Variants in CDC40 observed in about 807,000 individuals in gnomAD.
CDC40 encodes cell division cycle 40.
In CDC40, 27 loss-of-function variants were observed where a neutral mutation model predicts 80.6. The ratio of observed to expected loss-of-function variants is 0.33; its 90% confidence interval spans 0.25 to 0.46. The LOEUF (loss-of-function observed/expected upper bound fraction) is 0.46. Ranked by LOEUF, CDC40 falls within the 20% of genes least tolerant of loss-of-function variation. The pLI, the probability that CDC40 is intolerant of heterozygous loss-of-function variation, is 1.00. For synonymous variants in CDC40, 221 were observed against 232.6 expected (o/e 0.95, Z 0.45); for missense variants, 486 against 694.1 (o/e 0.70, Z 3.37).
intron 2 of CDC40, among the ~76,000 whole-genome samples, chr6:110,198,617 G>A (rs889535961): frequency 7.9e-5 from 12 of 152,110 alleles, no homozygotes. Flanking sequence ...CAGATGTATG[G>A]TTTGCAAACA....
At chr6:110,227,522 G>A (rs1777881381) in intron 13 of CDC40, among the ~76,000 whole-genome samples, 1 of 152,114 alleles carries the variant, frequency 6.6e-6, no homozygotes, top group Admixed American at 6.5e-5. Context: ...CAGATTTTGT[G>A]CCCATCTTGA....
rs138142877 is a variant in CDC40, at chr6:110,196,140, A to C, written c.276+2872A>C. 7.1e-3 allele frequency among the ~76,000 whole-genome samples: 1,086 copies of C among 152,294 alleles called. 19 individuals are homozygous for C. The highest frequency in any genetic ancestry group is 0.025 in the African/African-American group (1,044 of 41,550). On this transcript the variant is annotated intron_variant, in intron 2 of 14. Coordinates refer to ENST00000307731, the MANE Select transcript of CDC40 (RefSeq NM_015891.3). ...TCCTTATTTTATAGCAAGGAAACCA[A>C]GTCTTAAGTTATACTGCCAGCAAGT... is the stretch of plus-strand genomic sequence containing the variant.
chr6:110,230,324 T>G lies in CDC40; in HGVS notation c.*193T>G. 2.0e-6 allele frequency: 1 copy of G among 499,902 alleles called. No homozygotes were observed. Among genetic ancestry groups the G allele is most frequent in the Non-Finnish European group, 3.5e-6 (1 of 288,954 alleles). 31.0% of individuals were successfully genotyped at this position (499,902 alleles called of 1,614,324 possible). A position where few individuals can be genotyped will look rare whatever the true frequency, so the allele number is the denominator to read the frequency against. ...CATTTTGTTTTTTATAAATGTTATT[T>G]ATACAGAAAGTGGCTATTGACTTTC... is the stretch of plus-strand genomic sequence containing the variant. On this transcript the variant is annotated 3_prime_UTR_variant, in exon 15 of 15. Transcript: ENST00000307731.
intron 1 of CDC40, among the ~76,000 whole-genome samples, chr6:110,183,788 G>A (rs1270176329): frequency 2.0e-5 from 3 of 152,104 alleles, no homozygotes; most frequent in East Asian, 1.9e-4. Flanking sequence ...TGTTTTTTCC[G>A]AGCTGTTTCC....
Position 110,180,481 on chromosome 6 carries a change from G to A in CDC40, c.37G>A (p.Gly13Ser). ...GATTGCAGCTCTGGCCGCTTCCTATGGTTCGGGTTCAGGGTCCGAATCGGA... is the reference window on the plus strand; with the variant it reads ...GATTGCAGCTCTGGCCGCTTCCTATAGTTCGGGTTCAGGGTCCGAATCGGA... ...AAIAALAASY[G>S]SGSGSESDSD... Residue 13 changes from glycine to serine, a missense_variant, in exon 1 of 15, where the codon GGT becomes AGT. This residue lies in a region of CDC40 where 381 missense variants were observed against 492.1 expected (regional missense o/e 0.77). Transcript: ENST00000307731. 1 of 1,614,202 alleles carries A rather than the reference G, an allele frequency of 6.2e-7. No individual in the cohort carries two copies. Among genetic ancestry groups the A allele is most frequent in the Non-Finnish European group, 8.5e-7 (1 of 1,180,042 alleles).
chr6:110,192,061 G>T (rs1027559676), intron 1 of CDC40, among the ~76,000 whole-genome samples: 1 of 152,184 alleles, frequency 6.6e-6, no homozygotes, highest in Non-Finnish European at 1.5e-5. Context: ...ACCAGTGGTT[G>T]TCAGGCCTTT....
At chr6:110,185,241 C>CTTTTTTTTTTTTTT (rs1227694611) in intron 1 of CDC40, among the ~76,000 whole-genome samples, 3 of 124,030 alleles carry the variant, frequency 2.4e-5, no homozygotes, top group Non-Finnish European at 4.9e-5. Flanking sequence ...ATCTTTTTTT[C>CTTTTTTTTTTTTTT]TTTTTTTTTT....
At chr6:110,205,301 A>G (rs1473061674) in intron 3 of CDC40, among the ~76,000 whole-genome samples, 1 of 152,234 alleles carries the variant, frequency 6.6e-6, no homozygotes, top group East Asian at 1.9e-4. Flanking sequence ...TCAGGAAGAT[A>G]GATAAGAATA....
chr6:110,206,712 A>G (rs1217639628), intron 3 of CDC40, among the ~76,000 whole-genome samples: 1 of 152,268 alleles, frequency 6.6e-6, no homozygotes, highest in Admixed American at 6.5e-5. Context: ...TCAAAATAAT[A>G]GCTAGATTTT....
At chr6:110,226,604 G>C (rs1392669471) in intron 13 of CDC40, among the ~76,000 whole-genome samples, 1 of 150,022 alleles carries the variant, frequency 6.7e-6, no homozygotes, top group South Asian at 2.1e-4. Context: ...TTCGAGACAG[G>C]GTCTCCCTTT....
At chr6:110,182,913 A>C (rs1777218044) in intron 1 of CDC40, among the ~76,000 whole-genome samples, 1 of 152,162 alleles carries the variant, frequency 6.6e-6, no homozygotes, top group African/African-American at 2.4e-5. Context: ...ACATCGTATC[A>C]CTTCCCTGCC....
intron 1 of CDC40, among the ~76,000 whole-genome samples, chr6:110,192,100 T>A (rs755578546): frequency 8.5e-5 from 13 of 152,070 alleles, no homozygotes; most frequent in Non-Finnish European, 1.5e-4. Flanking sequence ...CTGGGGAGGT[T>A]ACTGGGGGGT....
At chr6:110,220,012 CTA>C (rs780497971) in intron 12 of CDC40, 143 bp downstream of exon 12, 11 of 739,172 alleles carry the variant, frequency 1.5e-5, no homozygotes, top group Non-Finnish European at 1.9e-5. Context: ...ACTGTTTTAA[CTA>C]TTTAAGTACT....
rs988802238 is a variant in CDC40 at position 110,229,908 on chromosome 6, T to C, written c.1563-46T>C. On this transcript the variant is annotated intron_variant, in intron 14 of 14. Coordinates refer to ENST00000307731, the MANE Select transcript of CDC40 (RefSeq NM_015891.3). ...CCCTATTCCTCATTCGCCTTACCAA[T>C]TTAAGGTATTTTAATAATTTGAATT... 3 of 1,316,410 alleles carry C rather than the reference T, an allele frequency of 2.3e-6. No homozygotes were observed. The African/African-American group carries it at 4.4e-5, about 19-fold the overall frequency. 81.5% of individuals were successfully genotyped at this position (1,316,410 alleles called of 1,614,324 possible).
In CDC40 at chr6:110,203,567, ATTTAT is replaced by A. The variant is rs1486112094; in HGVS notation, c.406+1885_406+1889del. Among the ~76,000 whole-genome samples the A allele has an allele frequency of 5.9e-5, 9 of 152,194 alleles. No homozygotes were observed. In the East Asian group the frequency reaches 1.5e-3, roughly 26 times the overall value. ...ATCACTGCTGGAATATAATACAAAT[ATTTAT>A]TTTAATTTTCTTCCCATTTTTAAAA... On this transcript the variant is annotated intron_variant, in intron 3 of 14. Coordinates refer to ENST00000307731, the MANE Select transcript of CDC40 (RefSeq NM_015891.3).
intron 8 of CDC40, among the ~76,000 whole-genome samples, chr6:110,213,481 C>G (rs1450983193): frequency 6.6e-6 from 1 of 151,292 alleles, no homozygotes. Context: ...GCTTCGCCTC[C>G]CGGGTTCATG....
intron 1 of CDC40, among the ~76,000 whole-genome samples, chr6:110,182,797 G>A (rs1301588363): frequency 2.0e-5 from 3 of 152,150 alleles, no homozygotes; most frequent in African/African-American, 7.2e-5. Flanking sequence ...TCAGACAGTT[G>A]TAGCCTTCTA....
chr6:110,207,639 T>C (rs996865000), intron 4 of CDC40, 50 bp downstream of exon 4: 1 of 976,042 alleles, frequency 1.0e-6, no homozygotes, highest in Non-Finnish European at 1.6e-6. Context: ...CATCTATAAT[T>C]AGTGTCTTGC....
chr6:110,207,643 G>C, intron 4 of CDC40, 54 bp downstream of exon 4: 1 of 925,340 alleles, frequency 1.1e-6, no homozygotes, highest in South Asian at 1.4e-5. Context: ...TATAATTAGT[G>C]TCTTGCAGAG....
Sources: allele counts gnomAD v4.1 joint callset (sites outside exome capture counted in the v4.1 genomes callset), GRCh38; gene constraint gnomAD v4.1.1; regional missense constraint gnomAD v4.1.1; transcripts MANE v1.5; gene names NCBI Gene and HGNC (gene_info 2026-07-23, HGNC 2026-07-21).